The following POLD1 variants were observed in gnomAD, a reference collection of about 807,000 sequenced individuals.
The protein encoded by POLD1 is DNA polymerase delta catalytic subunit.
POLD1 carries 79 observed loss-of-function variants against 129.7 expected under a neutral mutation model. That is an observed-to-expected ratio of 0.61 (90% confidence interval 0.51 to 0.73). The LOEUF (loss-of-function observed/expected upper bound fraction) is 0.73, where lower values mean the gene tolerates loss of function less well. POLD1 is among the 30% of genes least tolerant of loss of function. The pLI is 0.00. For synonymous variants in POLD1, 714 were observed against 683.3 expected, an observed-to-expected ratio of 1.04 and a Z score of -0.70; for missense variants, 1,338 against 1,595.8, an observed-to-expected ratio of 0.84 and a Z score of 2.75.
intron 22 of POLD1, 123 bp from the exon 23 acceptor site, chr19:50,416,273 G>T: frequency 1.0e-6 from 1 of 1,004,140 alleles, no homozygotes; most frequent in Non-Finnish European, 1.5e-6. Flanking sequence ...CCAGACCCAG[G>T]CCCCCCCCAT....
In POLD1 at chr19:50,416,379, C is replaced by T. The variant is rs2039290470; in HGVS notation, c.2821-17C>T. 1.3e-6 allele frequency: 2 copies of T among 1,547,742 alleles called. No individual in the cohort carries two copies. The highest frequency in any genetic ancestry group is 8.7e-7 in the Non-Finnish European group (1 of 1,146,640). On this transcript the variant is annotated splice_polypyrimidine_tract_variant and intron_variant, in intron 22 of 26. Transcript: ENST00000440232. ...CCTTTCCCTGGCTGCCCGGGTGTGA[C>T]TGCCATGTGGCCGCAGGACCCGCTG...
intron 1 of POLD1, among the ~76,000 whole-genome samples, chr19:50,390,153 C>T (rs1366420340): frequency 1.3e-5 from 2 of 152,032 alleles, no homozygotes; most frequent in African/African-American, 4.8e-5. Flanking sequence ...AGGTAATCCA[C>T]CCACCTCAGC....
chr19:50,395,717 T>G (rs2038336487), intron 1 of POLD1, among the ~76,000 whole-genome samples: 1 of 152,156 alleles, frequency 6.6e-6, no homozygotes, highest in Non-Finnish European at 1.5e-5. Flanking sequence ...TACACTCACT[T>G]TTTACAAAGA....
Position 50,413,061 on chromosome 19 carries a change from A to T in POLD1, c.2155-365A>T, listed in dbSNP as rs144166439. On this transcript the variant is annotated intron_variant, in intron 17 of 26. Transcript: ENST00000440232. ...GGGGTGGCACTGCTGGCTTCCAGGG[A>T]TGGGGCTGGCTATGTCGGTGGTCCT... is the stretch of plus-strand genomic sequence containing the variant. 4.9e-3 allele frequency among the ~76,000 whole-genome samples: 747 copies of T among 152,040 alleles called. 6 individuals carry two copies. The highest frequency in any genetic ancestry group is 0.017 in the African/African-American group (694 of 41,468).
At position 50,416,310 on chromosome 19, in the gene POLD1, C is replaced by T. The variant is rs982236296; in HGVS notation, c.2821-86C>T. Reference sequence around the variant, plus strand: ...TCACAGCCCGCAGGCAGGCCTAGGCCCTAAGCCCCAGGCCCCATGACCACC... The same window carrying T: ...TCACAGCCCGCAGGCAGGCCTAGGCTCTAAGCCCCAGGCCCCATGACCACC... On this transcript the variant is annotated intron_variant, in intron 22 of 26. Transcript: ENST00000440232. 40 of 1,435,470 alleles carry T rather than the reference C, an allele frequency of 2.8e-5. No homozygotes were observed. In the African/African-American group the frequency reaches 4.8e-4, roughly 17 times the overall value. The allele number at this position is 1,435,470 out of a possible 1,614,324, so 88.9% of individuals were successfully genotyped here.
intron 24 of POLD1, 97 bp downstream of exon 24, chr19:50,416,820 C>T (rs1360934703): frequency 5.7e-6 from 6 of 1,048,786 alleles, no homozygotes; most frequent in African/African-American, 1.6e-5. Flanking sequence ...GCACTGCCAC[C>T]CAGTGGGCCC....
In POLD1 at chr19:50,409,369, C is replaced by T. The variant is rs2039012716; in HGVS notation, c.2006+134C>T. On this transcript the variant is annotated intron_variant, in intron 16 of 26. Transcript: ENST00000440232. The surrounding 1 kb of genome is among the most constrained non-coding windows in gnomAD (Gnocchi z 5.8). Reference sequence around the variant, plus strand: ...TGTGCGTGAATTAGCACAAGGCATCCCCTCCTGGCAGCTTCCTTTTGCCCC... The same window carrying T: ...TGTGCGTGAATTAGCACAAGGCATCTCCTCCTGGCAGCTTCCTTTTGCCCC... 5 of 1,271,240 alleles carry T rather than the reference C, an allele frequency of 3.9e-6. No homozygotes were observed. The highest frequency in any genetic ancestry group is 2.9e-5 in the African/African-American group (2 of 67,908). 78.7% of individuals were successfully genotyped at this position (1,271,240 alleles called of 1,614,324 possible).
chr19:50,403,266 G>A lies in POLD1; in HGVS notation c.1137+47G>A, dbSNP rs562454073. On this transcript the variant is annotated intron_variant, in intron 9 of 26. Transcript: ENST00000440232. ...ACACCATTTCCCGGGGTCCCCGCCAGCCTCCGCGTCCTGAGCCATCAGCTC... is the reference window on the plus strand; with the variant it reads ...ACACCATTTCCCGGGGTCCCCGCCAACCTCCGCGTCCTGAGCCATCAGCTC... The A allele has an allele frequency of 2.4e-5, 36 of 1,496,594 alleles. No individual in the cohort carries two copies. The East Asian group carries it at 3.2e-4, about 13-fold the overall frequency. The allele number at this position is 1,496,594 out of a possible 1,614,324, so 92.7% of individuals were successfully genotyped here.
intron 22 of POLD1, chr19:50,416,188 C>A: frequency 1.7e-6 from 1 of 601,520 alleles, no homozygotes; most frequent in Non-Finnish European, 2.9e-6. Flanking sequence ...CCCTTGTGAA[C>A]TCTGACCCTT....
At chr19:50,394,187 G>A (rs959412328) in intron 1 of POLD1, 1 of 152,198 alleles carries the variant, frequency 6.6e-6, no homozygotes, top group African/African-American at 2.4e-5. Context: ...ACGGGGAAGA[G>A]GGTGGGAGGA....
At position 50,416,481 on chromosome 19, in the gene POLD1, T is replaced by A. The variant is rs989668372; in HGVS notation, c.2906T>A (p.Ile969Asn). Reference sequence around the variant, plus strand: ...CAGCTGGCCAAGCCCCTCCTGCGCATCTTCGAGCCCATCCTGGGCGAGGGC... The same window carrying A: ...CAGCTGGCCAAGCCCCTCCTGCGCAACTTCGAGCCCATCCTGGGCGAGGGC... ...EQQLAKPLLR[I>N]FEPILGEGRA... is the part of the protein sequence containing the mutation. The change falls in exon 23 of 27, where the codon ATC becomes AAC. Residue 969 changes from isoleucine (I) to asparagine (N), a missense_variant. Ile to Asn is a moderately radical substitution (Grantham distance 149). Coordinates refer to ENST00000440232, the MANE Select transcript of POLD1 (RefSeq NM_002691.4). 1 of 1,551,658 alleles carries A rather than the reference T, an allele frequency of 6.4e-7. No individual in the cohort carries two copies. Among genetic ancestry groups the A allele is most frequent in the Non-Finnish European group, 8.7e-7 (1 of 1,148,302 alleles).
At chr19:50,401,724 C>T (rs1420755175) in intron 3 of POLD1, 54 bp from the exon 4 acceptor site, 5 of 1,594,024 alleles carry the variant, frequency 3.1e-6, no homozygotes, top group Admixed American at 3.3e-5. Flanking sequence ...TGTGGAGACA[C>T]ACCTTGGAGG....
At chr19:50,396,529 G>A (rs1020243517) in intron 1 of POLD1, among the ~76,000 whole-genome samples, 6 of 151,736 alleles carry the variant, frequency 4.0e-5, no homozygotes, top group Non-Finnish European at 7.4e-5. Context: ...CCAGGCTGGA[G>A]TGCAGTGGTG....
chr19:50,404,301 C>T lies in POLD1; in HGVS notation c.1242+704C>T, dbSNP rs537036224. Among the ~76,000 whole-genome samples the T allele has an allele frequency of 7.1e-4, 108 of 151,082 alleles. 1 individual carries two copies. Among genetic ancestry groups the T allele is most frequent in the African/African-American group, 2.5e-3 (102 of 40,776 alleles). ...TTTCCAAGACAAAGTCTCGCTCTGT[C>T]GCCCAGGCTGGAGTGCAGTGGCGCA... is the stretch of plus-strand genomic sequence containing the variant. On this transcript the variant is annotated intron_variant, in intron 10 of 26. Transcript: ENST00000440232.
In POLD1 at chr19:50,413,365, G is replaced by A. The variant is rs1044646251; in HGVS notation, c.2155-61G>A. The stretch of plus-strand genomic sequence containing the variant: ...GCAGAGGCGGGACCCCTCCCCCGCC[G>A]GCCCACGTTCACTGCACATGGCCCC... On this transcript the variant is annotated intron_variant, in intron 17 of 26. Coordinates refer to ENST00000440232, the MANE Select transcript of POLD1 (RefSeq NM_002691.4). The A allele has an allele frequency of 6.4e-5, 90 of 1,406,066 alleles. 1 individual carries two copies. Among genetic ancestry groups the A allele is most frequent in the Middle Eastern group, 3.7e-4 (2 of 5,434 alleles). 87.1% of individuals were successfully genotyped at this position (1,406,066 alleles called of 1,614,324 possible).
chr19:50,396,641 C>G (rs947227739), intron 1 of POLD1, among the ~76,000 whole-genome samples: 34 of 151,498 alleles, frequency 2.2e-4, no homozygotes, highest in Middle Eastern at 3.2e-3. Context: ...CCATGCCCGG[C>G]TAATTTTTTT....
intron 1 of POLD1, among the ~76,000 whole-genome samples, chr19:50,389,414 AC>A (rs2038076476): frequency 6.6e-6 from 1 of 151,294 alleles, no homozygotes; most frequent in African/African-American, 2.4e-5. Context: ...GAGCCACCGT[AC>A]CTGGCCTCCA....
chr19:50,398,287 C>T (rs1167708344), intron 1 of POLD1, among the ~76,000 whole-genome samples: 2 of 152,020 alleles, frequency 1.3e-5, no homozygotes, highest in Non-Finnish European at 2.9e-5. Context: ...AGAGATGTGC[C>T]AAGGCCGGGC....
intron 17 of POLD1, among the ~76,000 whole-genome samples, chr19:50,411,763 C>T (rs948247441): frequency 1.3e-5 from 2 of 152,016 alleles, no homozygotes; most frequent in South Asian, 4.2e-4. Context: ...TCGCTTGAAC[C>T]CAGGAGGCAG....
Sources: gnomAD v4.1 joint callset for allele counts (sites outside exome capture counted in the v4.1 genomes callset) on GRCh38, gnomAD v4.1.1 for gene constraint, Gnocchi (gnomAD v3.1) non-coding constraint, MANE v1.5 for transcripts, NCBI Gene and HGNC (gene_info 2026-07-23, HGNC 2026-07-21) for gene names.